CA10: variants seen among roughly 807,000 people sequenced by gnomAD.
The protein encoded by CA10 is carbonic anhydrase-related protein 10.
A neutral mutation model predicts 44.2 loss-of-function variants in CA10; 14 were observed. The ratio of observed to expected loss-of-function variants is 0.32; its 90% CI spans 0.21 to 0.50. The LOEUF is 0.50. CA10 is among the 20% of genes least tolerant of loss of function. The pLI is 0.99. For missense variants in CA10, 350 were observed against 409.7 expected (o/e 0.85, Z 1.26); for synonymous variants, 159 against 141.6 (o/e 1.12, Z -0.87).
chr17:51,724,593 G>A lies in CA10; in HGVS notation c.465+23040C>T, dbSNP rs145205733. 7.9e-5 allele frequency among the ~76,000 whole-genome samples: 12 copies of A among 152,220 alleles called. No individual in the cohort carries two copies. The East Asian group carries it at 1.9e-3, about 24-fold the overall frequency. On this transcript the variant is annotated intron_variant, in intron 4 of 8. Coordinates refer to ENST00000451037, the MANE Select transcript of CA10 (RefSeq NM_020178.5). Reference sequence around the variant, plus strand: ...GCTTTGATTTGTTGGGGTGGAAAACGGTGGGTAAATTTTTCCTTTTTTTAA... The same window carrying A: ...GCTTTGATTTGTTGGGGTGGAAAACAGTGGGTAAATTTTTCCTTTTTTTAA...
chr17:51,935,070 GT>G (rs1190367487), intron 2 of CA10, among the ~76,000 whole-genome samples: 3 of 152,080 alleles, frequency 2.0e-5, no homozygotes, highest in Non-Finnish European at 2.9e-5. Context: ...CTGTGGGTTT[GT>G]GCAGAACTGT....
chr17:51,916,084 T>C (rs1981985251), intron 3 of CA10, among the ~76,000 whole-genome samples: 2 of 152,156 alleles, frequency 1.3e-5, no homozygotes. Flanking sequence ...TTCCTCTCTT[T>C]AGATTTTGAA....
chr17:52,069,655 C>G (rs1222924174), intron 2 of CA10, among the ~76,000 whole-genome samples: 1 of 152,142 alleles, frequency 6.6e-6, no homozygotes, highest in African/African-American at 2.4e-5. Flanking sequence ...TTATTAACCG[C>G]CCAAACTTGG....
chr17:51,960,340 G>GA (rs977682705), intron 2 of CA10, among the ~76,000 whole-genome samples: 13 of 151,546 alleles, frequency 8.6e-5, no homozygotes, highest in Non-Finnish European at 1.8e-4. Flanking sequence ...GATTGGTGCA[G>GA]AAAAAAATAG....
chr17:52,086,836 T>C (rs1567728726), intron 1 of CA10, among the ~76,000 whole-genome samples: 1 of 152,238 alleles, frequency 6.6e-6, no homozygotes, highest in Admixed American at 6.5e-5. Context: ...TGATAAATTA[T>C]GTGATCATCT....
At chr17:52,040,070 GT>G (rs1487884098) in intron 2 of CA10, among the ~76,000 whole-genome samples, 1 of 151,854 alleles carries the variant, frequency 6.6e-6, no homozygotes, top group Non-Finnish European at 1.5e-5. Flanking sequence ...ATGGCTATCA[GT>G]TGGAGATGAT....
chr17:52,017,179 A>G (rs1160144121), intron 2 of CA10, among the ~76,000 whole-genome samples: 1 of 152,122 alleles, frequency 6.6e-6, no homozygotes, highest in Non-Finnish European at 1.5e-5. Flanking sequence ...GAAAATTCAT[A>G]CTGTGGTATG....
chr17:52,042,262 C>A (rs1244387747), intron 2 of CA10, among the ~76,000 whole-genome samples: 18 of 152,066 alleles, frequency 1.2e-4, no homozygotes, highest in African/African-American at 3.9e-4. Context: ...CGTTTGTTAT[C>A]TCTTGTCTTT....
At chr17:52,131,740 T>C (rs1989244648) in intron 1 of CA10, among the ~76,000 whole-genome samples, 1 of 152,186 alleles carries the variant, frequency 6.6e-6, no homozygotes, top group Non-Finnish European at 1.5e-5. Flanking sequence ...TTTATCAAAA[T>C]AGACTATATT....
chr17:52,021,205 A>G (rs1436299533), intron 2 of CA10, among the ~76,000 whole-genome samples: 1 of 152,138 alleles, frequency 6.6e-6, no homozygotes, highest in Non-Finnish European at 1.5e-5. Flanking sequence ...GAAATTCTAC[A>G]CCAATCATGG....
intron 3 of CA10, among the ~76,000 whole-genome samples, chr17:51,823,370 G>A (rs564124876): frequency 5.3e-5 from 8 of 152,334 alleles, no homozygotes; most frequent in South Asian, 4.1e-4. Context: ...AGCCAAGGGC[G>A]ACGGCTTTGC....
intron 3 of CA10, among the ~76,000 whole-genome samples, chr17:51,837,620 A>G (rs1003422757): frequency 6.6e-6 from 1 of 152,208 alleles, no homozygotes; most frequent in African/African-American, 2.4e-5. Flanking sequence ...TTTCCCTGAA[A>G]GCATTAGCTG....
rs556402855 is a variant in CA10, at chr17:52,063,259, G to A, written c.136+9060C>T. 7.2e-5 allele frequency among the ~76,000 whole-genome samples: 11 copies of A among 152,284 alleles called. No individual in the cohort carries two copies. In the South Asian group the frequency reaches 2.3e-3, roughly 32 times the overall value. The stretch of plus-strand genomic sequence containing the variant: ...TGCTTTTGATTTCACAGGCTCATAG[G>A]TGGAAGGAACTTGCCTTGAGTCTCA... On this transcript the variant is annotated intron_variant, in intron 2 of 8. Coordinates refer to ENST00000451037, the MANE Select transcript of CA10 (RefSeq NM_020178.5).
chr17:51,920,390 A>C (rs960281237), intron 3 of CA10, among the ~76,000 whole-genome samples: 2 of 152,122 alleles, frequency 1.3e-5, no homozygotes, highest in Non-Finnish European at 2.9e-5. Flanking sequence ...TTGGAGATAA[A>C]GACTGGAGAG....
In CA10 at chr17:52,066,076, T is replaced by G. The variant is rs922951924; in HGVS notation, c.136+6243A>C. Among the ~76,000 whole-genome samples the G allele has an allele frequency of 3.3e-5, 5 of 152,282 alleles. 1 individual carries two copies. Among genetic ancestry groups the G allele is most frequent in the Admixed American group, 2.6e-4 (4 of 15,278 alleles). On this transcript the variant is annotated intron_variant, in intron 2 of 8. Coordinates refer to ENST00000451037, the MANE Select transcript of CA10 (RefSeq NM_020178.5). ...CCAGCCATGCTGAACTATGAGTCAA[T>G]TAAACTTGATATCTTTATAAATTAA...
At chr17:51,880,512 G>T (rs943983656) in intron 3 of CA10, among the ~76,000 whole-genome samples, 3 of 151,964 alleles carry the variant, frequency 2.0e-5, no homozygotes, top group Non-Finnish European at 2.9e-5. Context: ...ATGTTGCCCA[G>T]GCTTGTCTTG....
chr17:51,797,340 G>T (rs2874009), intron 3 of CA10, among the ~76,000 whole-genome samples: 1 of 152,302 alleles, frequency 6.6e-6, no homozygotes. Flanking sequence ...GCACGCAGGC[G>T]CATGCGCGCG....
At chr17:51,684,218 C>T (rs914724173) in intron 4 of CA10, among the ~76,000 whole-genome samples, 1 of 152,138 alleles carries the variant, frequency 6.6e-6, no homozygotes, top group African/African-American at 2.4e-5. Context: ...CTGGCCATTG[C>T]TGGCTTTGAA....
chr17:51,929,223 C>CG (rs1982553361), intron 3 of CA10, among the ~76,000 whole-genome samples: 2 of 80,420 alleles, frequency 2.5e-5, no homozygotes, highest in African/African-American at 8.4e-5. Flanking sequence ...GCTGTGTTGA[C>CG]ATTTTTTTCT....
Sources: allele counts gnomAD v4.1 joint callset (sites outside exome capture counted in the v4.1 genomes callset), GRCh38; gene constraint gnomAD v4.1.1; transcripts MANE v1.5; gene names NCBI Gene and HGNC (gene_info 2026-07-23, HGNC 2026-07-21).